The following TRIM26 variants were observed in gnomAD, a reference collection of about 807,000 sequenced individuals.
TRIM26 encodes the protein tripartite motif-containing protein 26.
Under a neutral mutation model 45.5 loss-of-function variants are expected in TRIM26, and 16 were observed. The observed-to-expected ratio is 0.35, with a 90% CI of 0.24 to 0.53. The LOEUF is 0.53. Ranked by LOEUF, TRIM26 falls within the 20% of genes least tolerant of loss-of-function variation. The probability of loss-of-function intolerance (pLI) is 0.92; values close to 1 mark genes in which losing one functional copy is unlikely to be tolerated. For synonymous variants in TRIM26, 273 were observed against 290.4 expected (o/e 0.94, Z 0.61); for missense variants, 442 against 691.1 (o/e 0.64, Z 4.04).
Position 30,186,287 on chromosome 6 carries a change from A to G in TRIM26, c.1209T>C (p.Tyr403=). The part of the protein sequence containing the change: ...EEEEEEEEAG[Y]GDGYDDWETD... ...TTTCCCAGTCGTCATATCCATCCCC[A>G]TAGCCGGCCTCCTCTTCCTCCTCCT... Residue 403 remains tyrosine, a synonymous_variant, in exon 10 of 10, where the codon TAT becomes TAC. Transcript: ENST00000454678. The surrounding 1 kb of genome is among the most constrained non-coding windows in gnomAD (Gnocchi z 7.4). 1 of 1,607,362 alleles carries G rather than the reference A, an allele frequency of 6.2e-7. No homozygotes were observed. Among genetic ancestry groups the G allele is most frequent in the Non-Finnish European group, 8.5e-7 (1 of 1,175,932 alleles).
At chr6:30,195,321 C>T (rs764597055) in intron 6 of TRIM26, among the ~76,000 whole-genome samples, 10 of 152,022 alleles carry the variant, frequency 6.6e-5, no homozygotes, top group Non-Finnish European at 1.2e-4. Context: ...AAGAGTATGA[C>T]GAGAGAAATC....
At chr6:30,208,920 G>C (rs1232299693) in intron 1 of TRIM26, among the ~76,000 whole-genome samples, 21 of 137,232 alleles carry the variant, frequency 1.5e-4, no homozygotes, top group East Asian at 5.8e-4. Flanking sequence ...GTGTGTGTGT[G>C]TGTGTGTGTG....
chr6:30,200,366 G>C (rs1777038018), intron 3 of TRIM26, among the ~76,000 whole-genome samples: 1 of 152,194 alleles, frequency 6.6e-6, no homozygotes, highest in African/African-American at 2.4e-5. Flanking sequence ...GAAGCATCAG[G>C]AAGCTTCAGG....
At position 30,189,571 on chromosome 6, in the gene TRIM26, T is replaced by C. The variant is rs776722762; in HGVS notation, c.789-38A>G. On this transcript the variant is annotated intron_variant, in intron 7 of 9. Transcript: ENST00000454678. The surrounding 1 kb of genome is among the most constrained non-coding windows in gnomAD (Gnocchi z 5.0). ...CATACATAACAAGCTGTTACTCAGC[T>C]CTTCTTACTTTCCTTCATACTTATC... The C allele has an allele frequency of 1.1e-5, 17 of 1,527,070 alleles. No homozygotes were observed. The African/African-American group carries it at 2.2e-4, about 20-fold the overall frequency. 94.6% of individuals were successfully genotyped at this position (1,527,070 alleles called of 1,614,324 possible).
chr6:30,212,083 T>C (rs1488889739), intron 1 of TRIM26, among the ~76,000 whole-genome samples: 1 of 152,216 alleles, frequency 6.6e-6, no homozygotes, highest in Non-Finnish European at 1.5e-5. Flanking sequence ...TCATAAATCA[T>C]GTTAGTACAT....
intron 3 of TRIM26, among the ~76,000 whole-genome samples, chr6:30,200,081 A>G (rs931090500): frequency 2.6e-5 from 4 of 152,134 alleles, no homozygotes; most frequent in African/African-American, 9.7e-5. Flanking sequence ...AACCAGCCTC[A>G]GCAACATAGT....
chr6:30,197,460 ACTC>A (rs1432953524), intron 5 of TRIM26, among the ~76,000 whole-genome samples: 1 of 151,912 alleles, frequency 6.6e-6, no homozygotes, highest in Admixed American at 6.6e-5. Flanking sequence ...TGACCCCACT[ACTC>A]CTCCACTGCC....
At chr6:30,187,041 A>C (rs766905444) in intron 9 of TRIM26, 2 of 331,808 alleles carry the variant, frequency 6.0e-6, no homozygotes, top group Non-Finnish European at 1.1e-5. Flanking sequence ...TAACTATGTG[A>C]ATGACCACTA....
At chr6:30,188,422 C>T in intron 9 of TRIM26, 2 of 286,044 alleles carry the variant, frequency 7.0e-6, no homozygotes, top group Non-Finnish European at 1.4e-5. Context: ...ATAATCCTCA[C>T]CATCATCCTC....
intron 9 of TRIM26, chr6:30,187,079 T>C: frequency 3.4e-6 from 1 of 294,726 alleles, no homozygotes; most frequent in Non-Finnish European, 6.5e-6. Context: ...CACATAGTAA[T>C]TGGGATCTTT....
intron 1 of TRIM26, among the ~76,000 whole-genome samples, chr6:30,212,992 C>T (rs946677937): frequency 2.0e-5 from 3 of 151,944 alleles, no homozygotes; most frequent in Non-Finnish European, 4.4e-5. Context: ...CGCCTATCTA[C>T]CAGGCTCCAA....
Position 30,207,400 on chromosome 6 carries a change from G to A in TRIM26, c.-375-2635C>T, listed in dbSNP as rs929681289. Reference sequence around the variant, plus strand: ...TGACCTGAGGAATCCTTTAGAAGCTGAAATCAGATCCAACTGTGGGATCAT... The same window carrying A: ...TGACCTGAGGAATCCTTTAGAAGCTAAAATCAGATCCAACTGTGGGATCAT... On this transcript the variant is annotated intron_variant, in intron 1 of 9. Transcript: ENST00000454678. The surrounding 1 kb of genome is among the most constrained non-coding windows in gnomAD (Gnocchi z 4.9). Among the ~76,000 whole-genome samples, 1 of 152,150 alleles carries A rather than the reference G, an allele frequency of 6.6e-6. No homozygotes were observed. Among genetic ancestry groups the A allele is most frequent in the African/African-American group, 2.4e-5 (1 of 41,420 alleles).
intron 1 of TRIM26, among the ~76,000 whole-genome samples, chr6:30,206,742 C>G (rs1314563914): frequency 6.6e-6 from 1 of 152,216 alleles, no homozygotes; most frequent in African/African-American, 2.4e-5. Context: ...GACCAACTGA[C>G]TTAGGATCTC....
Position 30,185,150 on chromosome 6 carries a change from G to C in TRIM26, c.*726C>G, listed in dbSNP as rs1775023854. Reference sequence around the variant, plus strand: ...AGGACCAATCTAGAGATAATTTATTGATCAGTGATCACAGCTTGTACCCCA... The same window carrying C: ...AGGACCAATCTAGAGATAATTTATTCATCAGTGATCACAGCTTGTACCCCA... On this transcript the variant is annotated 3_prime_UTR_variant, in exon 10 of 10. Transcript: ENST00000454678. The surrounding 1 kb of genome is among the most constrained non-coding windows in gnomAD (Gnocchi z 5.7). 1 of 152,182 alleles carries C rather than the reference G, an allele frequency of 6.6e-6. No individual in the cohort carries two copies. The highest frequency in any genetic ancestry group is 1.5e-5 in the Non-Finnish European group (1 of 68,042). The allele number at this position is 152,182 out of a possible 1,614,324, so 9.4% of individuals were successfully genotyped here.
At chr6:30,211,448 A>G (rs530984279) in intron 1 of TRIM26, among the ~76,000 whole-genome samples, 38 of 152,264 alleles carry the variant, frequency 2.5e-4, no homozygotes, top group African/African-American at 6.7e-4. Context: ...AGAAGCCTCA[A>G]TACAGACCAT....
chr6:30,197,706 T>A lies in TRIM26; in HGVS notation c.534+723A>T, dbSNP rs182089463. On this transcript the variant is annotated intron_variant, in intron 5 of 9. Coordinates refer to ENST00000454678, the MANE Select transcript of TRIM26 (RefSeq NM_003449.5). ...AGTTACATAAAATCTACTATATACT[T>A]TAAATTATCACTAGATTACTTATAA... Among the ~76,000 whole-genome samples, 345 of 152,326 alleles carry A rather than the reference T, an allele frequency of 2.3e-3. 2 individuals are homozygous for A. The highest frequency in any genetic ancestry group is 7.6e-3 in the African/African-American group (314 of 41,568).
Position 30,189,440 on chromosome 6 carries a change from T to C in TRIM26, c.882A>G (p.Gln294=), listed in dbSNP as rs141855509. 48 of 1,612,946 alleles carry C rather than the reference T, an allele frequency of 3.0e-5. 1 individual carries two copies. Among genetic ancestry groups the C allele is most frequent in the South Asian group, 5.5e-5 (5 of 91,082 alleles). ...TACCCTGGAATTCCCTCAGGCCTCG[T>C]TGCAGAGAGAGGAGTTTATCTGAGA... is the stretch of plus-strand genomic sequence containing the variant. ...GEFSDKLLSL[Q]RGLREFQGKL... is the part of the protein sequence containing the mutation. Residue 294 remains glutamine, a synonymous_variant, in exon 8 of 10, where the codon CAA becomes CAG. Transcript: ENST00000454678. This position sits in a 1 kb window ranked among gnomAD's most constrained non-coding sequence, Gnocchi z 5.0.
Position 30,209,746 on chromosome 6 carries a change from T to C in TRIM26, c.-376+3559A>G, listed in dbSNP as rs149368526. 4.4e-3 allele frequency among the ~76,000 whole-genome samples: 676 copies of C among 152,102 alleles called. 2 individuals carry two copies. Among genetic ancestry groups the C allele is most frequent in the African/African-American group, 0.011 (476 of 41,466 alleles). On this transcript the variant is annotated intron_variant, in intron 1 of 9. Transcript: ENST00000454678. The surrounding 1 kb of genome is among the most constrained non-coding windows in gnomAD (Gnocchi z 4.8). Reference sequence around the variant, plus strand: ...TGGGTTTGGTGCCTCATGCCTATAATCCTAGCACTGTGGGAGGCTGAGGCA... The same window carrying C: ...TGGGTTTGGTGCCTCATGCCTATAACCCTAGCACTGTGGGAGGCTGAGGCA...
chr6:30,196,871 G>T lies in TRIM26; in HGVS notation c.535-125C>A, dbSNP rs1193021153. 1.3e-5 allele frequency: 11 copies of T among 871,788 alleles called. No homozygotes were observed. The highest frequency in any genetic ancestry group is 1.8e-5 in the Non-Finnish European group (10 of 565,626). The allele number at this position is 871,788 out of a possible 1,614,324, so 54.0% of individuals were successfully genotyped here. A position where few individuals can be genotyped will look rare whatever the true frequency, so the allele number is the denominator to read the frequency against. ...CCGTTCAGGAATTCTACAGGATCTG[G>T]AGTGGGAGGAGCTACAGAGGGTTCC... On this transcript the variant is annotated intron_variant, in intron 5 of 9. Transcript: ENST00000454678. The surrounding 1 kb of genome is among the most constrained non-coding windows in gnomAD (Gnocchi z 4.9).
Sources: gnomAD v4.1 joint callset for allele counts (sites outside exome capture counted in the v4.1 genomes callset) on GRCh38, gnomAD v4.1.1 for gene constraint, Gnocchi (gnomAD v3.1) non-coding constraint, MANE v1.5 for transcripts, NCBI Gene and HGNC (gene_info 2026-07-23, HGNC 2026-07-21) for gene names.